CDH8: variants seen among roughly 807,000 people sequenced by gnomAD.
The protein encoded by CDH8 is cadherin-8.
CDH8 carries 17 observed loss-of-function variants against 68.1 expected under a neutral mutation model. The ratio of observed to expected loss-of-function variants is 0.25; its 90% CI spans 0.17 to 0.37. The LOEUF (loss-of-function observed/expected upper bound fraction) is 0.37, where lower values mean the gene tolerates loss of function less well. CDH8 is among the 10% of genes least tolerant of loss of function. The pLI, the probability that CDH8 is intolerant of heterozygous loss-of-function variation, is 1.00. For synonymous variants in CDH8, 372 were observed against 365.1 expected (o/e 1.02, Z -0.21); for missense variants, 763 against 999.3 (o/e 0.76, Z 3.19).
intron 3 of CDH8, among the ~76,000 whole-genome samples, chr16:61,867,039 G>A (rs1237478412): frequency 1.3e-5 from 2 of 152,064 alleles, no homozygotes; most frequent in Non-Finnish European, 2.9e-5. Flanking sequence ...TTTCCAATGT[G>A]AGAGACAAAA....
intron 2 of CDH8, among the ~76,000 whole-genome samples, chr16:61,945,049 T>C (rs1964779730): frequency 6.6e-6 from 1 of 152,158 alleles, no homozygotes; most frequent in Non-Finnish European, 1.5e-5. Context: ...TTGTTGCCCA[T>C]TATAGTCAGG....
chr16:61,950,682 T>A (rs922203983), intron 2 of CDH8, among the ~76,000 whole-genome samples: 3 of 152,304 alleles, frequency 2.0e-5, no homozygotes, highest in African/African-American at 7.2e-5. Context: ...TATTTTTATG[T>A]CATTAAAACC....
chr16:61,727,212 T>G lies in CDH8; in HGVS notation c.1418A>C (p.Asn473Thr). The G allele has an allele frequency of 6.2e-7, 1 of 1,605,898 alleles. No homozygotes were observed. The change falls in exon 9 of 12, where the codon AAC (asparagine) becomes ACC (threonine). Residue 473 changes from asparagine to threonine, a missense_variant. By Grantham distance (65) the Asn-to-Thr change is moderately conservative. Around this residue, in one of 2 missense-constraint regions of CDH8, gnomAD observed 397 missense variants for 436.2 expected, o/e 0.91. Coordinates refer to ENST00000577390, the MANE Select transcript of CDH8 (RefSeq NM_001796.5). The part of the protein sequence containing the change: ...NITIIATEIR[N>T]HSQISRVPVA... ...AGGTACTCGTGATATCTGACTGTGG[T>G]TCCCTATGGGAAGGAAAAAATAACA... is the stretch of plus-strand genomic sequence containing the variant.
chr16:61,914,708 G>A (rs1237825079), intron 2 of CDH8, among the ~76,000 whole-genome samples: 1 of 138,224 alleles, frequency 7.2e-6, no homozygotes. Context: ...ATGTACCCTA[G>A]AACTGAAAGT....
chr16:61,958,678 T>C (rs151222594), intron 2 of CDH8, among the ~76,000 whole-genome samples: 2 of 152,296 alleles, frequency 1.3e-5, no homozygotes, highest in Admixed American at 6.5e-5. Context: ...AATTATTTTA[T>C]GAAGTAAAAT....
intron 10 of CDH8, among the ~76,000 whole-genome samples, chr16:61,688,167 C>T (rs559749497): frequency 8.6e-5 from 13 of 151,994 alleles, no homozygotes; most frequent in Non-Finnish European, 1.5e-4. Context: ...TTTGTGTTCT[C>T]TCTAATTCCT....
intron 2 of CDH8, among the ~76,000 whole-genome samples, chr16:61,964,399 T>C (rs1256242962): frequency 6.6e-6 from 1 of 152,076 alleles, no homozygotes; most frequent in Non-Finnish European, 1.5e-5. Context: ...ACACTAGCTT[T>C]GCAATGGACC....
At chr16:61,925,691 G>T (rs1468308729) in intron 2 of CDH8, among the ~76,000 whole-genome samples, 5 of 152,086 alleles carry the variant, frequency 3.3e-5, no homozygotes, top group Admixed American at 2.0e-4. Flanking sequence ...TTTAAAGTAG[G>T]GTCACTCATC....
At chr16:61,703,833 T>TA (rs1038070136) in intron 10 of CDH8, among the ~76,000 whole-genome samples, 30 of 147,484 alleles carry the variant, frequency 2.0e-4, no homozygotes, top group South Asian at 8.7e-4. Flanking sequence ...AGACTCCATA[T>TA]AAAAAAAAAA....
chr16:61,777,010 G>T (rs1241007793), intron 8 of CDH8, among the ~76,000 whole-genome samples: 1 of 152,146 alleles, frequency 6.6e-6, no homozygotes, highest in East Asian at 1.9e-4. Flanking sequence ...ACCACAGAGA[G>T]AAATTGAGTA....
In CDH8 at chr16:61,785,037, C is replaced by A. The variant is rs565850387; in HGVS notation, c.1414+4309G>T. 4.1e-5 allele frequency among the ~76,000 whole-genome samples: 6 copies of A among 146,500 alleles called. No homozygotes were observed. The South Asian group carries it at 1.3e-3, about 33-fold the overall frequency. The stretch of plus-strand genomic sequence containing the variant: ...ATCACAATTAAAAGAACTAGAAAAG[C>A]AAGAGCAAACACATTCAAAAGCTAG... On this transcript the variant is annotated intron_variant, in intron 8 of 11. Transcript: ENST00000577390.
intron 2 of CDH8, among the ~76,000 whole-genome samples, chr16:61,921,032 C>T (rs1351404582): frequency 1.3e-4 from 19 of 145,922 alleles, no homozygotes; most frequent in African/African-American, 2.0e-4. Flanking sequence ...CATATTCTCA[C>T]TCGTAGGTGG....
At chr16:61,867,365 A>G (rs1963275925) in intron 3 of CDH8, among the ~76,000 whole-genome samples, 1 of 152,154 alleles carries the variant, frequency 6.6e-6, no homozygotes, top group Non-Finnish European at 1.5e-5. Flanking sequence ...GCTTTCTACA[A>G]GGGTAGACCA....
chr16:61,665,751 T>TC (rs1963656376), intron 10 of CDH8, among the ~76,000 whole-genome samples: 1 of 101,284 alleles, frequency 9.9e-6, no homozygotes, highest in Non-Finnish European at 2.1e-5. Flanking sequence ...TCTGAATTTA[T>TC]TTTCCTTCCT....
At position 61,782,786 on chromosome 16, in the gene CDH8, C is replaced by T. The variant is rs1051966443; in HGVS notation, c.1414+6560G>A. ...CCTCAAGTGGGTCCCTGACCCCTGA[C>T]CCCTGAGCAGCCTAACTGGGAGGCA... On this transcript the variant is annotated intron_variant, in intron 8 of 11. Transcript: ENST00000577390. 6.6e-5 allele frequency among the ~76,000 whole-genome samples: 10 copies of T among 152,200 alleles called. No homozygotes were observed. The East Asian group carries it at 1.4e-3, about 21-fold the overall frequency.
chr16:61,820,735 G>C (rs1962194831), intron 6 of CDH8, among the ~76,000 whole-genome samples, 191 bp downstream of exon 6: 1 of 151,826 alleles, frequency 6.6e-6, no homozygotes, highest in Non-Finnish European at 1.5e-5. Context: ...TAGACCTTTA[G>C]CAGAAATGTG....
chr16:61,788,223 C>T (rs1961285288), intron 8 of CDH8, among the ~76,000 whole-genome samples: 1 of 152,138 alleles, frequency 6.6e-6, no homozygotes, highest in East Asian at 1.9e-4. Context: ...TTCTCCTGAA[C>T]ACCTGGATTA....
At chr16:61,729,986 C>T (rs951477165) in intron 8 of CDH8, among the ~76,000 whole-genome samples, 12 of 144,888 alleles carry the variant, frequency 8.3e-5, no homozygotes, top group African/African-American at 1.3e-4. Context: ...ATTACATGCA[C>T]GTGTGCATGC....
chr16:61,948,094 A>T (rs1340934519), intron 2 of CDH8, among the ~76,000 whole-genome samples: 1 of 152,188 alleles, frequency 6.6e-6, no homozygotes, highest in Non-Finnish European at 1.5e-5. Flanking sequence ...TCAATCAATC[A>T]TACAAACGTA....
Sources: allele counts gnomAD v4.1 joint callset (sites outside exome capture counted in the v4.1 genomes callset), GRCh38; gene constraint gnomAD v4.1.1; regional missense constraint gnomAD v4.1.1; transcripts MANE v1.5; gene names NCBI Gene and HGNC (gene_info 2026-07-23, HGNC 2026-07-21).